GOLGA4: variants seen among roughly 807,000 people sequenced by gnomAD.
GOLGA4 encodes the protein golgin subfamily A member 4.
A neutral mutation model predicts 265.9 loss-of-function variants in GOLGA4; 169 were observed. The ratio of observed to expected loss-of-function variants is 0.64; its 90% CI spans 0.56 to 0.72. GOLGA4 has a LOEUF of 0.72. Among genes scored for constraint, GOLGA4 ranks in the 30% least tolerant of loss-of-function variants. The pLI, the probability that GOLGA4 is intolerant of heterozygous loss-of-function variation, is 0.00. For missense variants in GOLGA4, 2,482 were observed against 2,483.4 expected (o/e 1.00, Z 0.01); for synonymous variants, 923 against 855.8 (o/e 1.08, Z -1.37).
intron 22 of GOLGA4, among the ~76,000 whole-genome samples, chr3:37,357,526 G>A (rs900981421): frequency 3.3e-5 from 5 of 152,134 alleles, no homozygotes; most frequent in Admixed American, 6.5e-5. Flanking sequence ...AACATGAAAT[G>A]AGGAAGTCCC....
In GOLGA4 at chr3:37,326,194, T is replaced by A. The variant is rs1398278734; in HGVS notation, c.4308T>A (p.Asp1436Glu). Residue 1436 changes from aspartate to glutamate, a missense_variant, in exon 14 of 24, where the codon GAT becomes GAA. Around this residue, in one of 3 missense-constraint regions of GOLGA4, gnomAD observed 942 missense variants for 983.1 expected, o/e 0.96. Transcript: ENST00000361924. ...AAATTTCTGCTCTTGAGCAGGTAGA[T>A]GACTGGTCCAATAAATTCTCAGAAT... ...KEKISALEQV[D>E]DWSNKFSEWK... is the part of the protein sequence containing the mutation. The A allele has an allele frequency of 6.2e-7, 1 of 1,613,492 alleles. No homozygotes were observed. The highest frequency in any genetic ancestry group is 8.5e-7 in the Non-Finnish European group (1 of 1,179,448).
At chr3:37,360,692 A>C (rs1325208745) in intron 22 of GOLGA4, among the ~76,000 whole-genome samples, 1 of 152,160 alleles carries the variant, frequency 6.6e-6, no homozygotes, top group Admixed American at 6.5e-5. Context: ...AGTTTCCTTA[A>C]ATTGAAATTT....
chr3:37,263,988 A>G (rs2096777062), intron 2 of GOLGA4, among the ~76,000 whole-genome samples: 1 of 152,200 alleles, frequency 6.6e-6, no homozygotes, highest in Non-Finnish European at 1.5e-5. Flanking sequence ...TAAGAAGGAA[A>G]TAACAAGGTC....
chr3:37,310,737 T>G (rs73825069), intron 10 of GOLGA4, among the ~76,000 whole-genome samples: 379 of 147,238 alleles, frequency 2.6e-3, no homozygotes, highest in South Asian at 5.3e-3. Flanking sequence ...GTGTGTGTGT[T>G]TTTTTTTTTA....
intron 1 of GOLGA4, among the ~76,000 whole-genome samples, chr3:37,247,221 A>G (rs1386809731): frequency 2.0e-5 from 3 of 152,192 alleles, no homozygotes; most frequent in Admixed American, 6.5e-5. Context: ...GTGACTTACA[A>G]CAGTGCTGTG....
chr3:37,312,176 TGAAAAGGG>T (rs2096924809), intron 10 of GOLGA4, among the ~76,000 whole-genome samples: 1 of 152,198 alleles, frequency 6.6e-6, no homozygotes, highest in East Asian at 1.9e-4. Flanking sequence ...TGGATAATAA[TGAAAAGGG>T]GCTGATGACA....
At chr3:37,285,064 T>G (rs2096844768) in intron 3 of GOLGA4, among the ~76,000 whole-genome samples, 1 of 151,984 alleles carries the variant, frequency 6.6e-6, no homozygotes, top group South Asian at 2.1e-4. Flanking sequence ...GGATGCTTCC[T>G]CTTAAACCTG....
chr3:37,329,182 T>G (rs1285313144), intron 16 of GOLGA4, 89 bp downstream of exon 16: 1 of 1,158,278 alleles, frequency 8.6e-7, no homozygotes, highest in Admixed American at 2.7e-5. Flanking sequence ...TCAAATGTGT[T>G]TTTTGAACGA....
At chr3:37,244,480 C>T (rs1213558792) in intron 1 of GOLGA4, among the ~76,000 whole-genome samples, 1 of 152,188 alleles carries the variant, frequency 6.6e-6, no homozygotes, top group Non-Finnish European at 1.5e-5. Context: ...TGTTTCGATG[C>T]TGGCAGCACA....
chr3:37,268,461 C>T (rs539684648), intron 2 of GOLGA4, among the ~76,000 whole-genome samples: 1 of 151,702 alleles, frequency 6.6e-6, no homozygotes, highest in African/African-American at 2.4e-5. Context: ...AAAAAAAAAA[C>T]CGTAAAGGTT....
chr3:37,326,208 A>C lies in GOLGA4; in HGVS notation c.4322A>C (p.Lys1441Thr). 6.2e-7 allele frequency: 1 copy of C among 1,613,670 alleles called. No individual in the cohort carries two copies. Residue 1441 changes from lysine to threonine, a missense_variant, in exon 14 of 24, where the codon AAA becomes ACA. Coordinates refer to ENST00000361924, the MANE Select transcript of GOLGA4 (RefSeq NM_002078.5). ...GAGCAGGTAGATGACTGGTCCAATA[A>C]ATTCTCAGAATGGAAGAAGAAAGCA... ...ALEQVDDWSN[K>T]FSEWKKKAQS...
Position 37,325,798 on chromosome 3 carries a change from T to A in GOLGA4, c.3912T>A (p.Asn1304Lys). The change falls in exon 14 of 24, where the codon AAT becomes AAA. Residue 1304 changes from asparagine to lysine, a missense_variant. By Grantham distance (94) the Asn-to-Lys change is moderately conservative (BLOSUM62 0). Coordinates refer to ENST00000361924, the MANE Select transcript of GOLGA4 (RefSeq NM_002078.5). The part of the protein sequence containing the change: ...QATHQLEEKE[N>K]QIKSMKADIE... Reference sequence around the variant, plus strand: ...CTCATCAGTTAGAAGAAAAAGAAAATCAAATTAAGAGCATGAAGGCTGATA... The same window carrying A: ...CTCATCAGTTAGAAGAAAAAGAAAAACAAATTAAGAGCATGAAGGCTGATA... The A allele has an allele frequency of 6.2e-7, 1 of 1,612,974 alleles. No homozygotes were observed. Among genetic ancestry groups the A allele is most frequent in the Non-Finnish European group, 8.5e-7 (1 of 1,179,422 alleles).
intron 2 of GOLGA4, among the ~76,000 whole-genome samples, chr3:37,264,009 T>C (rs1342852102): frequency 6.6e-6 from 1 of 152,204 alleles, no homozygotes; most frequent in Non-Finnish European, 1.5e-5. Context: ...AACAAAGATT[T>C]CTTAGGCTTT....
intron 2 of GOLGA4, among the ~76,000 whole-genome samples, chr3:37,255,749 G>T (rs978636874): frequency 1.6e-5 from 1 of 62,942 alleles, no homozygotes; most frequent in Non-Finnish European, 2.9e-5. Context: ...TTAAAAAAAA[G>T]CATTTTTTTT....
chr3:37,299,232 C>A (rs2096886625), intron 8 of GOLGA4, 56 bp from the exon 9 acceptor site: 1 of 1,176,624 alleles, frequency 8.5e-7, no homozygotes, highest in Non-Finnish European at 1.3e-6. Context: ...GTTTAGAGTT[C>A]TCAAATGAGA....
At position 37,306,501 on chromosome 3, in the gene GOLGA4, C is replaced by CTGTGTGTGTG. The variant is rs35641880; in HGVS notation, c.1234+4203_1234+4212dup. Among the ~76,000 whole-genome samples the CTGTGTGTGTG allele has an allele frequency of 2.3e-3, 322 of 140,214 alleles. 1 individual carries two copies. Among genetic ancestry groups the CTGTGTGTGTG allele is most frequent in the African/African-American group, 7.3e-3 (281 of 38,626 alleles). The allele number at this position is 140,214 out of a possible 152,430, so 92.0% of individuals were successfully genotyped here. On this transcript the variant is annotated intron_variant, in intron 10 of 23. Coordinates refer to ENST00000361924, the MANE Select transcript of GOLGA4 (RefSeq NM_002078.5). ...GTTCACACTAGTTCTTGGCTGTTCT[C>CTGTGTGTGTG]TGTGTGTGTGTGTGTGTGTGTGTGT...
chr3:37,267,434 T>A (rs2096786753), intron 2 of GOLGA4, among the ~76,000 whole-genome samples: 2 of 152,228 alleles, frequency 1.3e-5, no homozygotes, highest in Admixed American at 6.5e-5. Context: ...CAGTTACCTG[T>A]TTTTTATATA....
rs748990519 is a variant in GOLGA4, at chr3:37,319,205, ATT to A, written c.1545+21_1545+22del. 4.2e-5 allele frequency: 54 copies of A among 1,299,760 alleles called. No homozygotes were observed. Among genetic ancestry groups the A allele is most frequent in the Admixed American group, 1.3e-4 (6 of 44,664 alleles). The allele number at this position is 1,299,760 out of a possible 1,614,324, so 80.5% of individuals were successfully genotyped here. On this transcript the variant is annotated intron_variant, in intron 12 of 23. Transcript: ENST00000361924. ...ATGAAAGTAGCTCTTGTAAGTGACTATTTTTTTTTTTCTGCTATAGGTATACT... is the reference window on the plus strand; with the variant it reads ...ATGAAAGTAGCTCTTGTAAGTGACTATTTTTTTTTCTGCTATAGGTATACT...
At chr3:37,359,706 T>A (rs1210137854) in intron 22 of GOLGA4, among the ~76,000 whole-genome samples, 1 of 152,194 alleles carries the variant, frequency 6.6e-6, no homozygotes, top group Admixed American at 6.6e-5. Context: ...TCTCATTTTC[T>A]TCCCCTGTTG....
Sources: allele counts gnomAD v4.1 joint callset (sites outside exome capture counted in the v4.1 genomes callset), GRCh38; gene constraint gnomAD v4.1.1; regional missense constraint gnomAD v4.1.1; transcripts MANE v1.5; gene names NCBI Gene and HGNC (gene_info 2026-07-23, HGNC 2026-07-21).